The following MYO15A variants were observed in gnomAD, a reference collection of about 807,000 sequenced individuals.
The protein encoded by MYO15A is unconventional myosin-XV.
A neutral mutation model predicts 394.6 loss-of-function variants in MYO15A; 308 were observed. That is an observed-to-expected ratio of 0.78 (90% CI 0.71 to 0.86). The LOEUF (loss-of-function observed/expected upper bound fraction) is 0.86, where lower values mean the gene tolerates loss of function less well. Among genes scored for constraint, MYO15A ranks in the 40% least tolerant of loss-of-function variants. The pLI is 0.00. For missense variants in MYO15A, 4,606 were observed against 4,799.1 expected (o/e 0.96, Z 1.19); for synonymous variants, 1,957 against 2,003.8 (o/e 0.98, Z 0.62).
chr17:18,126,886 T>TC, intron 6 of MYO15A, 21 bp downstream of exon 6: 1 of 1,613,626 alleles, frequency 6.2e-7, no homozygotes, highest in South Asian at 1.1e-5. Context: ...TGCCTTTATG[T>TC]GGGGGATAAA....
chr17:18,163,610 C>T, intron 59 of MYO15A, 132 bp from the exon 60 acceptor site: 1 of 854,476 alleles, frequency 1.2e-6, no homozygotes, highest in Non-Finnish European at 1.9e-6. Flanking sequence ...TCTCAGAGAC[C>T]TCAGAGGATT....
Position 18,133,396 on chromosome 17 carries a change from C to A in MYO15A, c.4482+10C>A. On this transcript the variant is annotated intron_variant, in intron 12 of 65. Transcript: ENST00000647165. ...CTTTGAGAAGTATGAGGTGAGGGGA[C>A]GCCACAGCCTGCCATGGGGCCCGCA... 3 of 1,613,804 alleles carry A rather than the reference C, an allele frequency of 1.9e-6. No individual in the cohort carries two copies. The highest frequency in any genetic ancestry group is 1.7e-4 in the Middle Eastern group (1 of 6,056).
chr17:18,133,477 A>G, intron 12 of MYO15A, 91 bp downstream of exon 12: 3 of 1,509,368 alleles, frequency 2.0e-6, no homozygotes, highest in Admixed American at 1.9e-5. Context: ...TTCAGATTAC[A>G]CTATGCACAT....
At chr17:18,130,677 C>T (rs570440177) in intron 7 of MYO15A, 128 bp from the exon 8 acceptor site, 1 of 1,522,520 alleles carries the variant, frequency 6.6e-7, no homozygotes, top group African/African-American at 1.4e-5. Context: ...CTGAGCCTCA[C>T]AGGTTTTTAC....
At chr17:18,127,248 C>T (rs999955070) in intron 7 of MYO15A, 83 bp downstream of exon 7, 4 of 1,494,768 alleles carry the variant, frequency 2.7e-6, no homozygotes, top group East Asian at 2.4e-5. Context: ...AGGCAAGGCT[C>T]CTTGGCCCAC....
chr17:18,121,974 G>A lies in MYO15A; in HGVS notation c.3174G>A (p.Arg1058=), dbSNP rs1294274030. The A allele has an allele frequency of 1.2e-6, 2 of 1,613,024 alleles. No homozygotes were observed. Among genetic ancestry groups the A allele is most frequent in the Non-Finnish European group, 8.5e-7 (1 of 1,179,994 alleles). ...TCCTCCCAGAGCAAAAGACATTAAG[G>A]CCCAGCCTCTCATACCCACTGGCTG... The part of the protein sequence containing the change: ...KDVLPEQKTL[R]PSLSYPLAAC... Residue 1058 remains arginine, a synonymous_variant, in exon 2 of 66, where the codon AGG becomes AGA. Transcript: ENST00000647165. The surrounding 1 kb of genome is among the most constrained non-coding windows in gnomAD (Gnocchi z 5.3).
In MYO15A at chr17:18,120,159, C is replaced by G; in HGVS notation, c.1359C>G (p.Pro453=). The part of the protein sequence containing the change: ...VERQGTSFRL[P]SAAFFEQQGM... ...GTCAGGGGACCTCCTTCCGCCTGCC[C>G]AGCGCCGCCTTCTTCGAGCAGCAAG... is the stretch of plus-strand genomic sequence containing the variant. The change falls in exon 2 of 66, where the codon CCC becomes CCG. Residue 453 remains proline, a synonymous_variant. Coordinates refer to ENST00000647165, the MANE Select transcript of MYO15A (RefSeq NM_016239.4). The G allele has an allele frequency of 6.2e-7, 1 of 1,612,940 alleles. No homozygotes were observed. The highest frequency in any genetic ancestry group is 1.1e-5 in the South Asian group (1 of 91,090).
chr17:18,149,554 G>A lies in MYO15A; in HGVS notation c.7186G>A (p.Asp2396Asn), dbSNP rs771700848. ...GLDCYLDSLF[D>N]PVLSYGDADL... ...GGACTGCTACCTGGATAGCCTCTTT[G>A]ACCCTGTGCTGTCCTACGGGGATGC... is the stretch of plus-strand genomic sequence containing the variant. The change falls in exon 35 of 66, where the codon GAC (aspartate) becomes AAC (asparagine). Residue 2396 changes from aspartate to asparagine, a missense_variant. By Grantham distance (23) the Asp-to-Asn change is conservative. Around this residue, in one of 2 missense-constraint regions of MYO15A, gnomAD observed 2,776 missense variants for 3,109.3 expected, o/e 0.89. Coordinates refer to ENST00000647165, the MANE Select transcript of MYO15A (RefSeq NM_016239.4). 5.6e-6 allele frequency: 9 copies of A among 1,614,168 alleles called. No homozygotes were observed. Among genetic ancestry groups the A allele is most frequent in the African/African-American group, 2.7e-5 (2 of 75,054 alleles).
intron 56 of MYO15A, among the ~76,000 whole-genome samples, chr17:18,160,247 G>A (rs1005099678): frequency 6.6e-6 from 1 of 152,212 alleles, no homozygotes; most frequent in African/African-American, 2.4e-5. Flanking sequence ...TAATGTGTAA[G>A]TCCAGATTCT....
intron 18 of MYO15A, 25 bp from the exon 19 acceptor site, chr17:18,139,509 C>G: frequency 6.2e-7 from 1 of 1,609,330 alleles, no homozygotes; most frequent in Non-Finnish European, 8.5e-7. Flanking sequence ...GCCAGGATTA[C>G]CCAGGCCATT....
chr17:18,142,634 G>A (rs1325204102), intron 24 of MYO15A, 122 bp from the exon 25 acceptor site: 25 of 837,036 alleles, frequency 3.0e-5, no homozygotes, highest in Middle Eastern at 2.5e-4. Flanking sequence ...TTGAGCCAAA[G>A]GACCCCAAAA....
intron 25 of MYO15A, 32 bp from the exon 26 acceptor site, chr17:18,143,534 C>T (rs1356780323): frequency 1.3e-6 from 2 of 1,550,286 alleles, no homozygotes; most frequent in Admixed American, 3.9e-5. Context: ...CTCTGCCTGC[C>T]ACTCCCCAAC....
At chr17:18,157,363 G>A (rs2046694699) in intron 50 of MYO15A, 133 bp downstream of exon 50, 15 of 1,269,232 alleles carry the variant, frequency 1.2e-5, no homozygotes, top group Middle Eastern at 1.9e-4. Context: ...AGGTCCAGCC[G>A]TGGCCTGTCA....
At chr17:18,163,113 CCAGG>C in intron 58 of MYO15A, 127 bp from the exon 59 acceptor site, 1 of 943,532 alleles carries the variant, frequency 1.1e-6, no homozygotes, top group Non-Finnish European at 1.7e-6. Context: ...CCTGCGCGGT[CCAGG>C]TGCTCAAGTG....
chr17:18,172,789 G>C, intron 64 of MYO15A: 1 of 239,094 alleles, frequency 4.2e-6, no homozygotes. Flanking sequence ...TGTCATATTG[G>C]AGTAGGGCCC....
At position 18,143,798 on chromosome 17, in the gene MYO15A, T is replaced by TGGGTAAGCACCAGGC. The variant is rs758407298; in HGVS notation, c.6046+6_6046+7insAAGCACCAGGCGGGT. The TGGGTAAGCACCAGGC allele has an allele frequency of 5.7e-6, 9 of 1,569,204 alleles. No individual in the cohort carries two copies. The Middle Eastern group carries it at 5.0e-4, about 88-fold the overall frequency. ...CTGGGCTCTTGCAAGCAGTGGCAGG[T>TGGGTAAGCACCAGGC]GGGTCAGCACCAGGCGGGGGGAGGG... On this transcript the variant is annotated splice_region_variant and intron_variant, in intron 27 of 65. Transcript: ENST00000647165.
chr17:18,154,230 C>T, intron 44 of MYO15A, 40 bp downstream of exon 44: 1 of 1,609,176 alleles, frequency 6.2e-7, no homozygotes, highest in Non-Finnish European at 8.5e-7. Flanking sequence ...GTGAACTCAG[C>T]AGGGCTGTGT....
In MYO15A at chr17:18,156,354, G is replaced by A. The variant is rs749274391; in HGVS notation, c.8601+18G>A. 2 of 1,613,532 alleles carry A rather than the reference G, an allele frequency of 1.2e-6. No homozygotes were observed. The highest frequency in any genetic ancestry group is 2.2e-5 in the South Asian group (2 of 91,016). On this transcript the variant is annotated intron_variant, in intron 48 of 65. Transcript: ENST00000647165. Reference sequence around the variant, plus strand: ...TGAAGAAGGTCAGGATCTTCTCACAGATCTTCCCTCCACCCAGGCTGAGGG... The same window carrying A: ...TGAAGAAGGTCAGGATCTTCTCACAAATCTTCCCTCCACCCAGGCTGAGGG...
At position 18,178,987 on chromosome 17, in the gene MYO15A, C is replaced by G. The variant is rs140504536; in HGVS notation, c.*117C>G. ...TAAGGGGCCAGAGCCTTGGAGGACA[C>G]TAAGAGGAGGCAGGAGGAGCAACTC... On this transcript the variant is annotated 3_prime_UTR_variant, in exon 66 of 66. Coordinates refer to ENST00000647165, the MANE Select transcript of MYO15A (RefSeq NM_016239.4). The G allele has an allele frequency of 9.6e-7, 1 of 1,043,614 alleles. No individual in the cohort carries two copies. The highest frequency in any genetic ancestry group is 1.4e-6 in the Non-Finnish European group (1 of 696,630). The allele number at this position is 1,043,614 out of a possible 1,614,324, so 64.6% of individuals were successfully genotyped here.
Sources: allele counts gnomAD v4.1 joint callset (sites outside exome capture counted in the v4.1 genomes callset), GRCh38; gene constraint gnomAD v4.1.1; regional missense constraint gnomAD v4.1.1; non-coding constraint Gnocchi (gnomAD v3.1); transcripts MANE v1.5; gene names NCBI Gene and HGNC (gene_info 2026-07-23, HGNC 2026-07-21).